The following MRAP variants were observed in gnomAD, a reference collection of about 807,000 sequenced individuals.
MRAP encodes the protein melanocortin 2 receptor accessory protein.
Under a neutral mutation model 8.7 loss-of-function variants are expected in MRAP, and 8 were observed. The observed-to-expected ratio is 0.92, with a 90% CI of 0.54 to 1.66. MRAP has a LOEUF of 1.66. MRAP is among the 40% of genes most tolerant of loss of function. The pLI, the probability that MRAP is intolerant of heterozygous loss-of-function variation, is 0.00. For synonymous variants in MRAP, 95 were observed against 95.5 expected, an observed-to-expected ratio of 1.00 and a Z score of 0.03; for missense variants, 237 against 217.1, an observed-to-expected ratio of 1.09 and a Z score of -0.58.
rs1219973111 is a variant in MRAP at position 32,306,747 on chromosome 21, A to G, written c.206+8A>G. On this transcript the variant is annotated splice_region_variant and intron_variant, in intron 2 of 2. Transcript: ENST00000303645. ...CGCCTCCCCGCAGATGAGGTGGGTA[A>G]GAAGGGGTGTGAGTCTGTGGGTCAC... 22 of 1,611,988 alleles carry G rather than the reference A, an allele frequency of 1.4e-5. No homozygotes were observed. Among genetic ancestry groups the G allele is most frequent in the Non-Finnish European group, 1.8e-5 (21 of 1,178,186 alleles).
In MRAP at chr21:32,312,284, A is replaced by G; in HGVS notation, c.*288A>G. On this transcript the variant is annotated 3_prime_UTR_variant, in exon 3 of 3. Coordinates refer to ENST00000303645, the MANE Select transcript of MRAP (RefSeq NM_001379228.1). ...GAAAATAAAATATATGCAAATCAAGAGGAAAAGCTGTTTGCTTACTAATCT... is the reference window on the plus strand; with the variant it reads ...GAAAATAAAATATATGCAAATCAAGGGGAAAAGCTGTTTGCTTACTAATCT... 5 of 1,362,742 alleles carry G rather than the reference A, an allele frequency of 3.7e-6. No individual in the cohort carries two copies. The highest frequency in any genetic ancestry group is 4.7e-6 in the Non-Finnish European group (5 of 1,054,216). 84.4% of individuals were successfully genotyped at this position (1,362,742 alleles called of 1,614,324 possible). A position where few individuals can be genotyped will look rare whatever the true frequency, so the allele number is the denominator to read the frequency against.
intron 1 of MRAP, among the ~76,000 whole-genome samples, chr21:32,304,330 A>G (rs1488122167): frequency 6.6e-6 from 1 of 152,064 alleles, no homozygotes; most frequent in East Asian, 1.9e-4. Context: ...AAAAATCCTT[A>G]AGCTGGCTGG....
At chr21:32,305,628 C>T (rs1003973215) in intron 1 of MRAP, among the ~76,000 whole-genome samples, 1 of 152,138 alleles carries the variant, frequency 6.6e-6, no homozygotes, top group Admixed American at 6.5e-5. Flanking sequence ...AACAGTCCCT[C>T]GCAAAAGGCG....
rs117220373 is a variant in MRAP, at chr21:32,300,511, C to A, written c.106+1434C>A. Among the ~76,000 whole-genome samples the A allele has an allele frequency of 2.1e-4, 31 of 147,774 alleles. No homozygotes were observed. The East Asian group carries it at 6.1e-3, about 29-fold the overall frequency. On this transcript the variant is annotated intron_variant, in intron 1 of 2. Coordinates refer to ENST00000303645, the MANE Select transcript of MRAP (RefSeq NM_001379228.1). ...TCCTATGTCGGATGTGTCACGCATC[C>A]TATGTCACGTCATGCGTCGCATGTC...
intron 2 of MRAP, chr21:32,306,968 A>C: frequency 1.7e-6 from 1 of 590,494 alleles, no homozygotes; most frequent in East Asian, 3.1e-5. Context: ...TATGTTGCAG[A>C]TTTTGCAGCG....
intron 1 of MRAP, among the ~76,000 whole-genome samples, chr21:32,300,871 CTA>C (rs979782706): frequency 3.8e-4 from 57 of 150,818 alleles, no homozygotes; most frequent in Non-Finnish European, 1.0e-4. Context: ...GTCATGCGTC[CTA>C]TGTCGGGTGT....
At chr21:32,295,774 G>A (rs568672014), upstream of MRAP, among the ~76,000 whole-genome samples, 11 of 152,156 alleles carry the variant, frequency 7.2e-5, no homozygotes, top group Middle Eastern at 3.4e-3. Context: ...TCAGGAGTTC[G>A]AGACCAGCCT....
At chr21:32,296,951 A>G (rs2032151611), upstream of MRAP, among the ~76,000 whole-genome samples, 1 of 152,214 alleles carries the variant, frequency 6.6e-6, no homozygotes, top group African/African-American at 2.4e-5. Context: ...TATTTATAAA[A>G]TAAAGTAAAT....
chr21:32,303,675 A>G (rs899305232), intron 1 of MRAP, among the ~76,000 whole-genome samples: 7 of 152,228 alleles, frequency 4.6e-5, no homozygotes, highest in African/African-American at 1.2e-4. Context: ...TTCATTGTCA[A>G]CCCAGCCTGG....
At chr21:32,304,801 G>C (rs2032368396) in intron 1 of MRAP, among the ~76,000 whole-genome samples, 1 of 151,988 alleles carries the variant, frequency 6.6e-6, no homozygotes. Context: ...AGACAGACAG[G>C]AGAGACATGA....
At chr21:32,300,341 C>A (rs551677392) in intron 1 of MRAP, among the ~76,000 whole-genome samples, 1 of 151,358 alleles carries the variant, frequency 6.6e-6, no homozygotes, top group East Asian at 2.0e-4. Context: ...ATGTCAGGGG[C>A]GTCACGCGTC....
In MRAP at chr21:32,306,580, C is replaced by T. The variant is rs930153398; in HGVS notation, c.107-60C>T. 1.6e-5 allele frequency: 22 copies of T among 1,411,584 alleles called. 1 individual carries two copies. Among genetic ancestry groups the T allele is most frequent in the Non-Finnish European group, 2.0e-5 (20 of 996,892 alleles). 87.4% of individuals were successfully genotyped at this position (1,411,584 alleles called of 1,614,324 possible). ...CAATACCCTGGGACTCCTTACTGCCCCTCAGCGTTGCTTTATGTTGACATA... is the reference window on the plus strand; with the variant it reads ...CAATACCCTGGGACTCCTTACTGCCTCTCAGCGTTGCTTTATGTTGACATA... On this transcript the variant is annotated intron_variant, in intron 1 of 2. Transcript: ENST00000303645.
At chr21:32,303,887 T>C (rs1194233445) in intron 1 of MRAP, among the ~76,000 whole-genome samples, 1 of 152,234 alleles carries the variant, frequency 6.6e-6, no homozygotes, top group Non-Finnish European at 1.5e-5. Flanking sequence ...AGAAAATGAC[T>C]ATTGGCTGAC....
chr21:32,314,203 G>T, downstream of MRAP: 2 of 187,520 alleles, frequency 1.1e-5, no homozygotes, highest in Admixed American at 5.6e-5. Context: ...TTATTTTTTT[G>T]AGATGGAGTC....
At chr21:32,305,143 A>C (rs780983847) in intron 1 of MRAP, among the ~76,000 whole-genome samples, 28 of 151,636 alleles carry the variant, frequency 1.8e-4, no homozygotes, top group Admixed American at 1.6e-3. Flanking sequence ...TAATCAAAAA[A>C]ATTTTTTTTT....
chr21:32,308,456 C>G (rs1382598952), intron 2 of MRAP: 2 of 152,592 alleles, frequency 1.3e-5, no homozygotes, highest in South Asian at 2.1e-4. Context: ...TTCTCAGATG[C>G]CTGCTGTGTG....
downstream of MRAP, chr21:32,313,674 AACC>A (rs2032630091): frequency 6.6e-6 from 1 of 152,224 alleles, no homozygotes; most frequent in Non-Finnish European, 1.5e-5. Flanking sequence ...TTTCAGACAA[AACC>A]AAGGCATTGT....
At chr21:32,314,539 T>A (rs770345031), downstream of MRAP, 2 of 1,610,592 alleles carry the variant, frequency 1.2e-6, no homozygotes, top group Non-Finnish European at 1.7e-6. Context: ...CTGATACCTT[T>A]TGACATTTCA....
chr21:32,311,556 T>A, intron 2 of MRAP, 128 bp from the exon 3 acceptor site: 3 of 1,369,044 alleles, frequency 2.2e-6, no homozygotes, highest in Non-Finnish European at 3.0e-6. Flanking sequence ...TTCTCAGGAA[T>A]TTGCCTGTGT....
Sources: allele counts gnomAD v4.1 joint callset (sites outside exome capture counted in the v4.1 genomes callset), GRCh38; gene constraint gnomAD v4.1.1; transcripts MANE v1.5; gene names NCBI Gene and HGNC (gene_info 2026-07-23, HGNC 2026-07-21).